GREB1L: variants seen among roughly 807,000 people sequenced by gnomAD.
GREB1L encodes the protein GREB1 like retinoic acid receptor coactivator.
In GREB1L, 17 loss-of-function variants were observed where a neutral mutation model predicts 200.8. The ratio of observed to expected loss-of-function variants is 0.08; its 90% CI spans 0.06 to 0.13. The LOEUF is 0.13. Among genes scored for constraint, GREB1L ranks in the 10% least tolerant of loss-of-function variants. The pLI is 1.00. For synonymous variants in GREB1L, 789 were observed against 893.0 expected (o/e 0.88, Z 2.08); for missense variants, 1,657 against 2,367.7 (o/e 0.70, Z 6.23).
intron 1 of GREB1L, among the ~76,000 whole-genome samples, chr18:21,351,940 C>G (rs983759660): frequency 4.6e-5 from 7 of 152,028 alleles, no homozygotes; most frequent in Admixed American, 1.3e-4. Flanking sequence ...CTCCGCCTCC[C>G]GGATTCAAGC....
intron 7 of GREB1L, among the ~76,000 whole-genome samples, chr18:21,405,373 T>A (rs2144597448): frequency 6.6e-6 from 1 of 152,350 alleles, no homozygotes; most frequent in Middle Eastern, 3.4e-3. Context: ...ATATAATTTT[T>A]AAAACCACAG....
At chr18:21,250,311 T>C (rs913682367) in intron 1 of GREB1L, among the ~76,000 whole-genome samples, 7 of 152,206 alleles carry the variant, frequency 4.6e-5, no homozygotes, top group African/African-American at 1.7e-4. Flanking sequence ...CACTGTTCTT[T>C]AGCGTGATCT....
At chr18:21,384,535 G>A in intron 4 of GREB1L, 132 bp downstream of exon 4, 1 of 705,986 alleles carries the variant, frequency 1.4e-6, no homozygotes, top group Non-Finnish European at 2.3e-6. Context: ...AAATGATTAT[G>A]CTCTCATTCA....
intron 1 of GREB1L, among the ~76,000 whole-genome samples, chr18:21,352,957 G>A (rs182467684): frequency 8.6e-4 from 131 of 151,946 alleles, no homozygotes; most frequent in Admixed American, 2.9e-3. Context: ...CGAGGTGGGC[G>A]GATCATGAGG....
Position 21,403,854 on chromosome 18 carries a change from A to AT in GREB1L, c.710-13dup. On this transcript the variant is annotated splice_polypyrimidine_tract_variant and intron_variant, in intron 6 of 32. Transcript: ENST00000424526. ...AACATTGGTCACTTCATACAATGTG[A>AT]TTTTTACTCTTTTCCAGAATGTAGA... The AT allele has an allele frequency of 6.5e-7, 1 of 1,549,122 alleles. No individual in the cohort carries two copies. Among genetic ancestry groups the AT allele is most frequent in the African/African-American group, 1.4e-5 (1 of 73,036 alleles).
At chr18:21,488,295 C>T (rs1208554445) in intron 18 of GREB1L, among the ~76,000 whole-genome samples, 2 of 151,726 alleles carry the variant, frequency 1.3e-5, no homozygotes, top group Non-Finnish European at 2.9e-5. Flanking sequence ...GACTCTGTCT[C>T]GAAAAAAGAA....
chr18:21,251,130 G>A (rs1322250736), intron 1 of GREB1L, among the ~76,000 whole-genome samples: 5 of 152,130 alleles, frequency 3.3e-5, no homozygotes, highest in African/African-American at 1.2e-4. Context: ...ACTAGCCTGG[G>A]CAATGTAATG....
At chr18:21,471,339 C>T (rs2035473963) in intron 15 of GREB1L, among the ~76,000 whole-genome samples, 1 of 152,192 alleles carries the variant, frequency 6.6e-6, no homozygotes, top group South Asian at 2.1e-4. Flanking sequence ...ACTGGTACTA[C>T]ACTCCCTATT....
chr18:21,377,031 T>C (rs917525592), intron 2 of GREB1L, among the ~76,000 whole-genome samples: 10 of 152,028 alleles, frequency 6.6e-5, no homozygotes, highest in Admixed American at 1.3e-4. Context: ...TTTGAGAAAA[T>C]GTCAAAGAAA....
At chr18:21,430,463 C>A (rs1176817659) in intron 7 of GREB1L, among the ~76,000 whole-genome samples, 2 of 149,770 alleles carry the variant, frequency 1.3e-5, no homozygotes, top group Non-Finnish European at 1.5e-5. Flanking sequence ...TTATTAATTT[C>A]TGTTGCTGTC....
At chr18:21,492,324 C>T (rs1253903409) in intron 19 of GREB1L, among the ~76,000 whole-genome samples, 5 of 150,820 alleles carry the variant, frequency 3.3e-5, no homozygotes, top group South Asian at 2.1e-4. Flanking sequence ...CCAGCCTGGG[C>T]GACAGAGCAA....
intron 1 of GREB1L, among the ~76,000 whole-genome samples, chr18:21,271,466 G>C (rs1309819433): frequency 6.6e-6 from 1 of 151,416 alleles, no homozygotes; most frequent in Non-Finnish European, 1.5e-5. Context: ...AGGCAATACA[G>C]TGAGACTCTG....
chr18:21,410,579 C>A (rs1482192314), intron 7 of GREB1L, among the ~76,000 whole-genome samples: 4 of 151,624 alleles, frequency 2.6e-5, no homozygotes, highest in Non-Finnish European at 5.9e-5. Context: ...TGCTTGAACC[C>A]AGAAGGCAGA....
chr18:21,336,802 A>G (rs1350262645), intron 1 of GREB1L, among the ~76,000 whole-genome samples: 1 of 152,168 alleles, frequency 6.6e-6, no homozygotes, highest in Non-Finnish European at 1.5e-5. Flanking sequence ...TACCACCAGC[A>G]TACTGCTAGT....
chr18:21,436,345 A>T (rs2033532823), intron 7 of GREB1L, among the ~76,000 whole-genome samples: 1 of 152,208 alleles, frequency 6.6e-6, no homozygotes, highest in South Asian at 2.1e-4. Flanking sequence ...TGTGAACAAA[A>T]GATAGGCTTC....
intron 1 of GREB1L, among the ~76,000 whole-genome samples, chr18:21,320,884 A>C (rs2038941159): frequency 6.6e-6 from 1 of 152,214 alleles, no homozygotes; most frequent in Non-Finnish European, 1.5e-5. Context: ...AGAAAATGAA[A>C]TGACAATGAA....
chr18:21,315,384 C>T (rs931953399), intron 1 of GREB1L, among the ~76,000 whole-genome samples: 2 of 152,228 alleles, frequency 1.3e-5, no homozygotes, highest in African/African-American at 4.8e-5. Flanking sequence ...AGCTACCACG[C>T]CCAGCTTAGT....
At position 21,508,367 on chromosome 18, in the gene GREB1L, G is replaced by A. The variant is rs372676188; in HGVS notation, c.4531-20G>A. On this transcript the variant is annotated intron_variant, in intron 26 of 32. Coordinates refer to ENST00000424526, the MANE Select transcript of GREB1L (RefSeq NM_001142966.3). ...AGGCTTTAATTTCCCTTTATGGTCT[G>A]TTTTTTTCCCTTTCAGCAGAATTTG... is the stretch of plus-strand genomic sequence containing the variant. 4.5e-6 allele frequency: 7 copies of A among 1,550,922 alleles called. No homozygotes were observed. The highest frequency in any genetic ancestry group is 1.4e-5 in the African/African-American group (1 of 72,924).
intron 7 of GREB1L, among the ~76,000 whole-genome samples, chr18:21,428,635 C>CT (rs35509415): frequency 0.33 from 44,792 of 137,348 alleles, 10,011 homozygotes; most frequent in African/African-American, 0.61. Flanking sequence ...CATATAGTCC[C>CT]TTTTTTTTTT....
Sources: allele counts gnomAD v4.1 joint callset (sites outside exome capture counted in the v4.1 genomes callset), GRCh38; gene constraint gnomAD v4.1.1; transcripts MANE v1.5; gene names NCBI Gene and HGNC (gene_info 2026-07-23, HGNC 2026-07-21).